RORA: variants seen among roughly 807,000 people sequenced by gnomAD.
RORA encodes the protein nuclear receptor ROR-alpha.
In RORA, 7 loss-of-function variants were observed where a neutral mutation model predicts 69.5. That is an observed-to-expected ratio of 0.10 (90% CI 0.06 to 0.19). The LOEUF is 0.19. RORA is among the 10% of genes least tolerant of loss of function. RORA has a pLI of 1.00. For synonymous variants in RORA, 261 were observed against 240.8 expected (o/e 1.08, Z -0.78); for missense variants, 457 against 663.0 (o/e 0.69, Z 3.41).
At position 60,947,688 on chromosome 15, in the gene RORA, TAA is replaced by T. The variant is rs35887206; in HGVS notation, c.167-269004_167-269003del. On this transcript the variant is annotated intron_variant, in intron 1 of 10. Transcript: ENST00000335670. ...TCGAGAAACACCCAAGAATGATCAA[TAA>T]AAAAAAAAAAAAAAAAAAAAATGAA... is the stretch of plus-strand genomic sequence containing the variant. Among the ~76,000 whole-genome samples, 15 of 102,930 alleles carry T rather than the reference TAA, an allele frequency of 1.5e-4. No individual in the cohort carries two copies. In the East Asian group the frequency reaches 3.0e-3, roughly 21 times the overall value. The allele number at this position is 102,930 out of a possible 152,430, so 67.5% of individuals were successfully genotyped here.
chr15:60,548,367 G>A (rs537440122), intron 2 of RORA, among the ~76,000 whole-genome samples: 36 of 152,094 alleles, frequency 2.4e-4, no homozygotes, highest in Admixed American at 1.8e-3. Context: ...TCATTTCCCC[G>A]CCGAGACCAT....
intron 1 of RORA, among the ~76,000 whole-genome samples, chr15:60,995,303 T>A (rs1156847996): frequency 6.6e-6 from 1 of 152,138 alleles, no homozygotes; most frequent in Non-Finnish European, 1.5e-5. Context: ...GTACAGAGGC[T>A]CAGATAAATG....
At chr15:61,135,995 A>G (rs1260297687) in intron 1 of RORA, among the ~76,000 whole-genome samples, 2 of 152,214 alleles carry the variant, frequency 1.3e-5, no homozygotes, top group Non-Finnish European at 2.9e-5. Flanking sequence ...AACGTTCAAG[A>G]TAATAGGTTA....
rs2065020274 is a variant in RORA, at chr15:60,490,267, C to T, written c.*7188G>A. 1 of 151,724 alleles carries T rather than the reference C, an allele frequency of 6.6e-6. No homozygotes were observed. Among genetic ancestry groups the T allele is most frequent in the Non-Finnish European group, 1.5e-5 (1 of 67,928 alleles). The allele number at this position is 151,724 out of a possible 1,614,324, so 9.4% of individuals were successfully genotyped here. On this transcript the variant is annotated 3_prime_UTR_variant, in exon 11 of 11. Transcript: ENST00000335670. The surrounding 1 kb of genome is among the most constrained non-coding windows in gnomAD (Gnocchi z 4.1). Reference sequence around the variant, plus strand: ...TAAAAGGGATAATTTTTGTTGTTCACAAAAGTAACTTGTCTAGCACCACAC... The same window carrying T: ...TAAAAGGGATAATTTTTGTTGTTCATAAAAGTAACTTGTCTAGCACCACAC...
chr15:61,097,991 G>A (rs2078816231), intron 1 of RORA, among the ~76,000 whole-genome samples: 1 of 152,090 alleles, frequency 6.6e-6, no homozygotes, highest in Non-Finnish European at 1.5e-5. Flanking sequence ...GGTATGTTGG[G>A]CCTAGAAGGG....
chr15:60,639,090 T>C (rs1475669625), intron 2 of RORA, among the ~76,000 whole-genome samples: 1 of 152,154 alleles, frequency 6.6e-6, no homozygotes, highest in Non-Finnish European at 1.5e-5. Flanking sequence ...TGATGGGCAG[T>C]CTCTGTGACA....
intron 1 of RORA, among the ~76,000 whole-genome samples, chr15:61,221,642 C>T (rs546951582): frequency 5.3e-5 from 8 of 152,284 alleles, no homozygotes; most frequent in Admixed American, 1.3e-4. Context: ...CTACCACTTA[C>T]GTACAGCAAC....
intron 1 of RORA, among the ~76,000 whole-genome samples, chr15:60,732,861 T>C (rs950827120): frequency 6.6e-6 from 1 of 151,488 alleles, no homozygotes; most frequent in Non-Finnish European, 1.5e-5. Context: ...ATAAAGACTA[T>C]CCTGTTATCA....
At chr15:60,870,350 G>C (rs1407581518) in intron 1 of RORA, among the ~76,000 whole-genome samples, 2 of 152,192 alleles carry the variant, frequency 1.3e-5, no homozygotes, top group Admixed American at 1.3e-4. Flanking sequence ...GTGCACCTAA[G>C]AGCTATGGAC....
rs191476236 is a variant in RORA at position 60,961,894 on chromosome 15, C to T, written c.166+267159G>A. On this transcript the variant is annotated intron_variant, in intron 1 of 10. Coordinates refer to ENST00000335670, the MANE Select transcript of RORA (RefSeq NM_134261.3). ...CAGTAACTGACACAGGCACCACATGCGCTGGGTTTAGACATATAAACACGG... is the reference window on the plus strand; with the variant it reads ...CAGTAACTGACACAGGCACCACATGTGCTGGGTTTAGACATATAAACACGG... Among the ~76,000 whole-genome samples, 292 of 152,272 alleles carry T rather than the reference C, an allele frequency of 1.9e-3. 1 individual carries two copies. Among genetic ancestry groups the T allele is most frequent in the Non-Finnish European group, 3.1e-3 (213 of 68,026 alleles).
At chr15:60,582,519 C>T (rs2068220583) in intron 2 of RORA, among the ~76,000 whole-genome samples, 1 of 152,158 alleles carries the variant, frequency 6.6e-6, no homozygotes, top group South Asian at 2.1e-4. Context: ...GACAATAACC[C>T]ATATCTTCAT....
intron 1 of RORA, among the ~76,000 whole-genome samples, chr15:60,800,944 A>T (rs558084692): frequency 6.6e-6 from 1 of 152,218 alleles, no homozygotes; most frequent in Non-Finnish European, 1.5e-5. Context: ...TTGAGCCTGC[A>T]TTCCCAATAC....
At chr15:60,914,964 C>A (rs145253842) in intron 1 of RORA, among the ~76,000 whole-genome samples, 1 of 152,266 alleles carries the variant, frequency 6.6e-6, no homozygotes, top group Non-Finnish European at 1.5e-5. Context: ...CCTTTCATTT[C>A]GGTACTCACA....
rs1891510587 is a variant in RORA at position 60,905,460 on chromosome 15, G to A, written c.167-226774C>T. On this transcript the variant is annotated intron_variant, in intron 1 of 10. Transcript: ENST00000335670. This position sits in a 1 kb window ranked among gnomAD's most constrained non-coding sequence, Gnocchi z 4.8. ...CTGTGCTTCCTTTCAAGTGACAAGA[G>A]TTGTGACAGCTGCTCTATAAGGTAT... Among the ~76,000 whole-genome samples, 1 of 152,020 alleles carries A rather than the reference G, an allele frequency of 6.6e-6. No homozygotes were observed. The highest frequency in any genetic ancestry group is 6.5e-5 in the Admixed American group (1 of 15,272).
intron 5 of RORA, 66 bp from the exon 6 acceptor site, chr15:60,505,695 A>G: frequency 1.3e-6 from 2 of 1,568,056 alleles, no homozygotes; most frequent in African/African-American, 1.4e-5. Flanking sequence ...GTGATTTAAT[A>G]TTTGCTTTAA....
rs1158572732 is a variant in RORA, at chr15:60,905,113, G to C, written c.167-226427C>G. On this transcript the variant is annotated intron_variant, in intron 1 of 10. Transcript: ENST00000335670. This position sits in a 1 kb window ranked among gnomAD's most constrained non-coding sequence, Gnocchi z 4.8. ...AGACTCATTCATACCATGGGCTGGG[G>C]AGGCTTGGAAATATTTTAGTTACAT... 6.6e-6 allele frequency among the ~76,000 whole-genome samples: 1 copy of C among 152,174 alleles called. No homozygotes were observed. The highest frequency in any genetic ancestry group is 2.1e-4 in the South Asian group (1 of 4,818).
At chr15:61,004,839 TA>T (rs1370072158) in intron 1 of RORA, among the ~76,000 whole-genome samples, 1 of 152,200 alleles carries the variant, frequency 6.6e-6, no homozygotes, top group Admixed American at 6.5e-5. Flanking sequence ...CTATGCAAAC[TA>T]AAATGTGTTA....
intron 2 of RORA, among the ~76,000 whole-genome samples, chr15:60,615,803 A>C (rs2069226256): frequency 6.6e-6 from 1 of 152,224 alleles, no homozygotes; most frequent in African/African-American, 2.4e-5. Flanking sequence ...ATGACTGACG[A>C]GGCCCTGCTG....
In RORA at chr15:61,220,449, T is replaced by TC. The variant is rs557228682; in HGVS notation, c.166+8603dup. Among the ~76,000 whole-genome samples the TC allele has an allele frequency of 2.2e-4, 33 of 152,322 alleles. 1 individual carries two copies. In the East Asian group the frequency reaches 6.2e-3, roughly 28 times the overall value. ...TAGACTTGCTAAATATACATGTGTG[T>TC]CCTCTGTGATTGGATGTTGAAAATC... On this transcript the variant is annotated intron_variant, in intron 1 of 10. Coordinates refer to ENST00000335670, the MANE Select transcript of RORA (RefSeq NM_134261.3).
Sources: allele counts gnomAD v4.1 joint callset (sites outside exome capture counted in the v4.1 genomes callset), GRCh38; gene constraint gnomAD v4.1.1; non-coding constraint Gnocchi (gnomAD v3.1); transcripts MANE v1.5; gene names NCBI Gene and HGNC (gene_info 2026-07-23, HGNC 2026-07-21).